Variants in ROBO1 observed in about 807,000 individuals in gnomAD.
ROBO1 encodes the protein roundabout guidance receptor 1, also known as roundabout homolog 1.
Under a neutral mutation model 195.9 loss-of-function variants are expected in ROBO1, and 149 were observed. The ratio of observed to expected loss-of-function variants is 0.76; its 90% CI spans 0.67 to 0.87. The LOEUF is 0.87. ROBO1 is among the 40% of genes least tolerant of loss of function. The pLI is 0.00. For missense variants in ROBO1, 1,933 were observed against 2,068.3 expected (o/e 0.93, Z 1.27); for synonymous variants, 816 against 733.2 (o/e 1.11, Z -1.82).
intron 2 of ROBO1, among the ~76,000 whole-genome samples, chr3:79,174,855 C>CAAA (rs796987730): frequency 1.3e-5 from 1 of 74,452 alleles, no homozygotes; most frequent in African/African-American, 4.2e-5. Context: ...GACTCCGCCT[C>CAAA]AAAAAAAAAA....
intron 28 of ROBO1, among the ~76,000 whole-genome samples, chr3:78,610,541 C>T (rs1399001899): frequency 6.6e-6 from 1 of 152,048 alleles, no homozygotes; most frequent in Non-Finnish European, 1.5e-5. Context: ...GGATTGCGAA[C>T]GCAGATTATC....
At chr3:78,627,717 T>G in intron 25 of ROBO1, 148 bp from the exon 26 acceptor site, 2 of 896,404 alleles carry the variant, frequency 2.2e-6, no homozygotes, top group Non-Finnish European at 1.6e-6. Flanking sequence ...AGGTTTTACC[T>G]CACAAGGTTT....
intron 2 of ROBO1, among the ~76,000 whole-genome samples, chr3:79,375,551 T>A (rs1339465300): frequency 1.3e-5 from 2 of 152,214 alleles, no homozygotes; most frequent in African/African-American, 2.4e-5. Context: ...AATTACATAC[T>A]CTATTTCCTG....
chr3:78,750,400 C>G (rs573582774), intron 4 of ROBO1, among the ~76,000 whole-genome samples: 118 of 150,762 alleles, frequency 7.8e-4, no homozygotes, highest in African/African-American at 2.8e-3. Context: ...TTGCAGTGAG[C>G]CAAGATCACA....
chr3:79,681,796 C>T lies in ROBO1; in HGVS notation c.-51+85956G>A, dbSNP rs772827735. ...ACTTTTGTAGGGATAGTGTCATTCA[C>T]AGACAACAAAACAGACAATGGATAT... On this transcript the variant is annotated intron_variant, in intron 1 of 30. Transcript: ENST00000464233. 5.2e-4 allele frequency among the ~76,000 whole-genome samples: 79 copies of T among 152,038 alleles called. 1 individual carries two copies. The highest frequency in any genetic ancestry group is 3.4e-3 in the Middle Eastern group (1 of 292).
intron 29 of ROBO1, among the ~76,000 whole-genome samples, chr3:78,604,032 T>A (rs145896919): frequency 9.7e-4 from 148 of 152,044 alleles, no homozygotes; most frequent in African/African-American, 3.5e-3. Context: ...AAGAATAATC[T>A]CACCTACTTT....
At chr3:78,720,772 G>A (rs1375363713) in intron 5 of ROBO1, among the ~76,000 whole-genome samples, 1 of 152,116 alleles carries the variant, frequency 6.6e-6, no homozygotes, top group South Asian at 2.1e-4. Context: ...CCATAAAAAA[G>A]GATGAGTTCA....
chr3:79,344,371 G>A (rs2035026598), intron 2 of ROBO1, among the ~76,000 whole-genome samples: 1 of 152,062 alleles, frequency 6.6e-6, no homozygotes, highest in Non-Finnish European at 1.5e-5. Context: ...CAGTCCTATC[G>A]TGCAAAAGAG....
intron 2 of ROBO1, among the ~76,000 whole-genome samples, chr3:79,253,204 C>T (rs998900005): frequency 2.0e-5 from 3 of 151,888 alleles, no homozygotes; most frequent in Non-Finnish European, 4.4e-5. Flanking sequence ...TTTAATAATC[C>T]GTGTTAGTGT....
intron 2 of ROBO1, among the ~76,000 whole-genome samples, chr3:79,300,653 T>G (rs1349385883): frequency 6.6e-6 from 1 of 152,134 alleles, no homozygotes; most frequent in African/African-American, 2.4e-5. Flanking sequence ...GCCGGTGGGA[T>G]CCACTGGGTG....
At chr3:78,649,541 T>C (rs1452844389) in intron 19 of ROBO1, among the ~76,000 whole-genome samples, 1 of 152,188 alleles carries the variant, frequency 6.6e-6, no homozygotes, top group Non-Finnish European at 1.5e-5. Context: ...TGATGTTTTA[T>C]AGGTCAGTAG....
At chr3:79,199,005 T>C (rs2081704157) in intron 2 of ROBO1, among the ~76,000 whole-genome samples, 1 of 152,020 alleles carries the variant, frequency 6.6e-6, no homozygotes, top group Admixed American at 6.6e-5. Context: ...CTTTTCCTAA[T>C]TGAATACCCT....
intron 2 of ROBO1, among the ~76,000 whole-genome samples, chr3:79,216,451 T>G (rs190072450): frequency 2.0e-5 from 3 of 152,208 alleles, no homozygotes; most frequent in Admixed American, 6.5e-5. Flanking sequence ...AGAAATGATG[T>G]TCAAGGTTTA....
chr3:79,016,700 C>CA (rs2077946069), intron 3 of ROBO1, among the ~76,000 whole-genome samples: 1 of 151,058 alleles, frequency 6.6e-6, no homozygotes, highest in South Asian at 2.1e-4. Context: ...AAACTCAACT[C>CA]AAACAGTGAC....
intron 3 of ROBO1, among the ~76,000 whole-genome samples, chr3:79,020,161 AAGCCCAGAGTTTGC>A (rs1195488059): frequency 2.0e-5 from 3 of 152,186 alleles, no homozygotes; most frequent in Non-Finnish European, 4.4e-5. Context: ...CAATCTTGAC[AAGCCCAGAGTTTGC>A]AGTTAGGAGA....
At chr3:79,469,090 T>C (rs1938126747) in intron 2 of ROBO1, among the ~76,000 whole-genome samples, 2 of 152,012 alleles carry the variant, frequency 1.3e-5, no homozygotes, top group African/African-American at 4.8e-5. Flanking sequence ...TGTGGACAGG[T>C]CAAAGTAGAA....
intron 3 of ROBO1, among the ~76,000 whole-genome samples, chr3:79,049,468 C>T (rs557546013): frequency 5.4e-4 from 82 of 152,244 alleles, no homozygotes; most frequent in Admixed American, 1.1e-3. Flanking sequence ...AGTTAGAAAA[C>T]GCTCCTCAGA....
intron 1 of ROBO1, among the ~76,000 whole-genome samples, chr3:79,657,636 T>G (rs1476081873): frequency 6.6e-6 from 1 of 152,100 alleles, no homozygotes. Flanking sequence ...TGAATATTTA[T>G]TATATGTATT....
At chr3:78,602,361 T>G (rs1225631463) in intron 29 of ROBO1, among the ~76,000 whole-genome samples, 1 of 152,144 alleles carries the variant, frequency 6.6e-6, no homozygotes, top group African/African-American at 2.4e-5. Context: ...GCCATGATTC[T>G]AAGCTTCCTG....
Sources: gnomAD v4.1 joint callset for allele counts (sites outside exome capture counted in the v4.1 genomes callset) on GRCh38, gnomAD v4.1.1 for gene constraint, MANE v1.5 for transcripts, NCBI Gene and HGNC (gene_info 2026-07-23, HGNC 2026-07-21) for gene names.